TJP2: variants seen among roughly 807,000 people sequenced by gnomAD.
TJP2 encodes tight junction protein 2.
TJP2 carries 91 observed loss-of-function variants against 133.1 expected under a neutral mutation model. The observed-to-expected ratio is 0.68, with a 90% CI of 0.58 to 0.81. TJP2 has a LOEUF of 0.81. Among genes scored for constraint, TJP2 ranks in the 40% least tolerant of loss-of-function variants. The pLI, the probability that TJP2 is intolerant of heterozygous loss-of-function variation, is 0.00. For missense variants in TJP2, 1,541 were observed against 1,565.6 expected (o/e 0.98, Z 0.26); for synonymous variants, 592 against 583.4 (o/e 1.01, Z -0.21).
chr9:69,132,046 G>A (rs1001271388), intron 1 of TJP2, among the ~76,000 whole-genome samples: 32 of 152,252 alleles, frequency 2.1e-4, no homozygotes, highest in African/African-American at 7.2e-4. Flanking sequence ...TCCTCTCCCA[G>A]TAGAGTTACA....
In TJP2 at chr9:69,252,805, A is replaced by AT; in HGVS notation, c.3322-8dup. 1 of 1,613,864 alleles carries AT rather than the reference A, an allele frequency of 6.2e-7. No homozygotes were observed. Among genetic ancestry groups the AT allele is most frequent in the Non-Finnish European group, 8.5e-7 (1 of 1,179,800 alleles). On this transcript the variant is annotated splice_polypyrimidine_tract_variant and intron_variant, in intron 21 of 22. Coordinates refer to ENST00000377245, the MANE Select transcript of TJP2 (RefSeq NM_004817.4). ...TTCACTCTTATTCTTTTCTTTTTTA[A>AT]TTACCACAGATCGAAATTGCCCAGA...
At chr9:69,132,785 A>G (rs6560586) in intron 1 of TJP2, among the ~76,000 whole-genome samples, 136,590 of 152,098 alleles carry the variant, frequency 0.9, 61,429 homozygotes, top group East Asian at 1. Flanking sequence ...GATATACCAA[A>G]GGCCCTAGGG....
intron 2 of TJP2, among the ~76,000 whole-genome samples, chr9:69,161,045 C>A (rs1470864904): frequency 6.6e-6 from 1 of 152,172 alleles, no homozygotes; most frequent in Non-Finnish European, 1.5e-5. Context: ...CTTCTGGAAC[C>A]CTATGCTTGC....
chr9:69,235,427 A>G (rs1588129339), intron 12 of TJP2, among the ~76,000 whole-genome samples: 1 of 151,946 alleles, frequency 6.6e-6, no homozygotes, highest in Admixed American at 6.6e-5. Context: ...GGTTCACCCC[A>G]TTCTCCTGCC....
chr9:69,184,752 CTTTTTTTTT>C (rs564424748), intron 1 of TJP2, among the ~76,000 whole-genome samples: 1 of 125,860 alleles, frequency 7.9e-6, no homozygotes, highest in Non-Finnish European at 1.6e-5. Context: ...TCTCTCTCTT[CTTTTTTTTT>C]TTTTTTTTTG....
At chr9:69,176,291 C>T (rs1410602297) in intron 1 of TJP2, among the ~76,000 whole-genome samples, 3 of 152,124 alleles carry the variant, frequency 2.0e-5, no homozygotes, top group Non-Finnish European at 2.9e-5. Context: ...ACAGAGAGTA[C>T]AAGGCATGTG....
Position 69,226,146 on chromosome 9 carries a change from C to T in TJP2, c.1181C>T (p.Ser394Leu). Residue 394 changes from serine to leucine, a missense_variant, in exon 7 of 23, where the codon TCA becomes TTA. Ser to Leu is a moderately radical substitution (Grantham distance 145). Transcript: ENST00000377245. ...CAGCAGACCCTCATCAACATCCCGT[C>T]ATTAAATGACAGTGACTCAGAAATA... ...DSQQTLINIP[S>L]LNDSDSEIED... The T allele has an allele frequency of 6.2e-7, 1 of 1,614,116 alleles. No homozygotes were observed. Among genetic ancestry groups the T allele is most frequent in the South Asian group, 1.1e-5 (1 of 91,070 alleles).
intron 1 of TJP2, among the ~76,000 whole-genome samples, chr9:69,136,214 C>CA (rs978804054): frequency 2.0e-5 from 3 of 151,906 alleles, no homozygotes; most frequent in Non-Finnish European, 4.4e-5. Flanking sequence ...GAACTGCTGA[C>CA]AAAAAAATAT....
At chr9:69,183,821 G>A (rs1825674772) in intron 1 of TJP2, among the ~76,000 whole-genome samples, 1 of 152,106 alleles carries the variant, frequency 6.6e-6, no homozygotes, top group African/African-American at 2.4e-5. Context: ...TGCGACCTGT[G>A]CCTCCCAGGT....
intron 1 of TJP2, among the ~76,000 whole-genome samples, chr9:69,142,284 G>A (rs1823050510): frequency 6.6e-6 from 1 of 152,200 alleles, no homozygotes; most frequent in Admixed American, 6.5e-5. Flanking sequence ...ATGTTCTGAG[G>A]ATGAATGACT....
In TJP2 at chr9:69,162,736, T is replaced by C. The variant is rs12339567; in HGVS notation, c.-10+10965T>C. Among the ~76,000 whole-genome samples the C allele has an allele frequency of 9.6e-3, 1,465 of 152,354 alleles. 30 individuals carry two copies. The highest frequency in any genetic ancestry group is 0.032 in the African/African-American group (1,342 of 41,582). ...GTATACCCCAGGTGTCTAAGTTGTG[T>C]ACAATATGTACCTACTTGTCTGTGC... is the stretch of plus-strand genomic sequence containing the variant. On this transcript the variant is annotated intron_variant, in intron 2 of 5. Coordinates refer to the TJP2 transcript ENST00000423935.
At chr9:69,181,192 T>C (rs1825472137) in intron 1 of TJP2, among the ~76,000 whole-genome samples, 1 of 151,040 alleles carries the variant, frequency 6.6e-6, no homozygotes, top group Admixed American at 6.6e-5. Context: ...GCTGCACCAC[T>C]GATTAGCTGG....
chr9:69,221,249 G>A lies in TJP2; in HGVS notation c.705G>A (p.Arg235=). 6.2e-7 allele frequency: 1 copy of A among 1,608,078 alleles called. No individual in the cohort carries two copies. Among genetic ancestry groups the A allele is most frequent in the Middle Eastern group, 1.7e-4 (1 of 6,046 alleles). Residue 235 remains arginine, a synonymous_variant, in exon 5 of 23, where the codon CGG becomes CGA. Transcript: ENST00000377245. ...ACGACTTTGGGCCATCCCGGGACCG[G>A]GACCGTGACCGCAGCCGCGGCCGGA... ...LDHDFGPSRD[R]DRDRSRGRSI... is the part of the protein sequence containing the mutation.
chr9:69,245,993 G>A (rs1230489864), intron 17 of TJP2, among the ~76,000 whole-genome samples: 1 of 151,972 alleles, frequency 6.6e-6, no homozygotes, highest in Non-Finnish European at 1.5e-5. Flanking sequence ...ATATTTGAGG[G>A]GTAAAATGGA....
chr9:69,228,109 C>T lies in TJP2; in HGVS notation c.1448C>T (p.Pro483Leu), dbSNP rs372652662. Residue 483 changes from proline to leucine, a missense_variant, in exon 9 of 23, where the codon CCC becomes CTC. Pro to Leu is a moderately conservative substitution (Grantham distance 98, BLOSUM62 -3). Transcript: ENST00000377245. Reference sequence around the variant, plus strand: ...AAGGAACCCAGATACCAAGAGGACCCCCCAGGTGAGCCATTAAGACCACTC... The same window carrying T: ...AAGGAACCCAGATACCAAGAGGACCTCCCAGGTGAGCCATTAAGACCACTC... ...TNKEPRYQEDPPAPQPKAAPR... is the reference protein window; with the variant it reads ...TNKEPRYQEDLPAPQPKAAPR... 3.8e-5 allele frequency: 61 copies of T among 1,605,140 alleles called. No individual in the cohort carries two copies. The highest frequency in any genetic ancestry group is 4.9e-5 in the Non-Finnish European group (58 of 1,175,548).
intron 1 of TJP2, among the ~76,000 whole-genome samples, chr9:69,179,990 AATT>A (rs1253056331): frequency 6.6e-6 from 1 of 152,214 alleles, no homozygotes; most frequent in Non-Finnish European, 1.5e-5. Flanking sequence ...TTAGTGTGGT[AATT>A]ATTATTTCTA....
chr9:69,176,421 C>A (rs1825093862), intron 1 of TJP2, among the ~76,000 whole-genome samples: 1 of 152,124 alleles, frequency 6.6e-6, no homozygotes. Context: ...GTAGGAGGTG[C>A]CAGGTAGGTG....
chr9:69,226,357 A>G (rs1345722683), intron 7 of TJP2, among the ~76,000 whole-genome samples, 182 bp downstream of exon 7: 4 of 152,256 alleles, frequency 2.6e-5, no homozygotes, highest in African/African-American at 9.6e-5. Flanking sequence ...TATTGAAATT[A>G]GGTTTCCAAT....
Position 69,246,807 on chromosome 9 carries a change from T to C in TJP2, c.2667+17T>C, listed in dbSNP as rs571838412. The stretch of plus-strand genomic sequence containing the variant: ...GAAGGAAAGGTATGTGGCATAGATA[T>C]GCTGCTATGAGGTGAGAGTCCCTGT... On this transcript the variant is annotated intron_variant, in intron 18 of 22. Transcript: ENST00000377245. The C allele has an allele frequency of 1.1e-5, 18 of 1,607,186 alleles. No homozygotes were observed. In the African/African-American group the frequency reaches 1.5e-4, roughly 13 times the overall value.
Sources: gnomAD v4.1 joint callset for allele counts (sites outside exome capture counted in the v4.1 genomes callset) on GRCh38, gnomAD v4.1.1 for gene constraint, MANE v1.5 for transcripts, NCBI Gene and HGNC (gene_info 2026-07-23, HGNC 2026-07-21) for gene names.